CDADC1: variants seen among roughly 807,000 people sequenced by gnomAD.
CDADC1 encodes the protein cytidine and dCMP deaminase domain containing 1.
In CDADC1, 39 loss-of-function variants were observed where a neutral mutation model predicts 54.9. The ratio of observed to expected loss-of-function variants is 0.71; its 90% CI spans 0.55 to 0.93. The LOEUF (loss-of-function observed/expected upper bound fraction) is 0.93. Ranked by LOEUF, CDADC1 falls within the 40% of genes least tolerant of loss-of-function variation. The pLI, the probability that CDADC1 is intolerant of heterozygous loss-of-function variation, is 0.00. For synonymous variants in CDADC1, 186 were observed against 204.0 expected, an observed-to-expected ratio of 0.91 and a Z score of 0.75; for missense variants, 518 against 618.8, an observed-to-expected ratio of 0.84 and a Z score of 1.73.
At chr13:49,265,160 A>AT (rs1207035722) in intron 4 of CDADC1, among the ~76,000 whole-genome samples, 3 of 152,220 alleles carry the variant, frequency 2.0e-5, no homozygotes, top group Non-Finnish European at 2.9e-5. Flanking sequence ...TTCTGAAAAC[A>AT]TTTTTTATTA....
intron 8 of CDADC1, among the ~76,000 whole-genome samples, chr13:49,283,880 T>C (rs1441392854): frequency 6.6e-6 from 1 of 152,222 alleles, no homozygotes; most frequent in Admixed American, 6.5e-5. Context: ...TGTAGATGGT[T>C]AGCTAGATAC....
At chr13:49,268,727 G>A (rs951346188) in intron 5 of CDADC1, among the ~76,000 whole-genome samples, 4 of 152,216 alleles carry the variant, frequency 2.6e-5, no homozygotes, top group African/African-American at 9.6e-5. Flanking sequence ...ATATTTTGAT[G>A]TACTGAATAT....
chr13:49,283,727 GTT>G (rs1002065271), intron 8 of CDADC1, among the ~76,000 whole-genome samples: 1 of 152,212 alleles, frequency 6.6e-6, no homozygotes, highest in Non-Finnish European at 1.5e-5. Flanking sequence ...GAAGCACCCA[GTT>G]GGGCCAGACC....
At chr13:49,254,404 CTT>C (rs11311095) in intron 2 of CDADC1, among the ~76,000 whole-genome samples, 2,420 of 116,236 alleles carry the variant, frequency 0.021, 20 homozygotes, top group African/African-American at 0.026. Context: ...CTATCCCACC[CTT>C]TTTTTTTTTT....
At chr13:49,275,228 G>A (rs948842890) in intron 6 of CDADC1, among the ~76,000 whole-genome samples, 8 of 151,580 alleles carry the variant, frequency 5.3e-5, no homozygotes, top group Non-Finnish European at 8.8e-5. Flanking sequence ...TGGGACTATA[G>A]GCATGTACCA....
intron 3 of CDADC1, among the ~76,000 whole-genome samples, chr13:49,256,121 C>T (rs1353380202): frequency 7.0e-6 from 1 of 143,418 alleles, no homozygotes; most frequent in Non-Finnish European, 1.5e-5. Context: ...CTACATCCTA[C>T]ATCTTGCTTT....
rs1953747858 is a variant in CDADC1 at position 49,292,746 on chromosome 13, A to G, written c.*989A>G. ...GAGAAACATTCAGAAAATTATTCCA[A>G]AAATGAAGGTACATTTTCTGTTCTC... On this transcript the variant is annotated 3_prime_UTR_variant, in exon 10 of 10. Coordinates refer to ENST00000251108, the MANE Select transcript of CDADC1 (RefSeq NM_030911.4). The G allele has an allele frequency of 7.9e-7, 1 of 1,272,508 alleles. No individual in the cohort carries two copies. The highest frequency in any genetic ancestry group is 1.0e-6 in the Non-Finnish European group (1 of 982,578). The allele number at this position is 1,272,508 out of a possible 1,614,324, so 78.8% of individuals were successfully genotyped here.
At chr13:49,264,081 A>G (rs1347881359) in intron 4 of CDADC1, among the ~76,000 whole-genome samples, 1 of 152,246 alleles carries the variant, frequency 6.6e-6, no homozygotes, top group Non-Finnish European at 1.5e-5. Context: ...ACAGGGCTAG[A>G]TCAGGCATTA....
At chr13:49,266,217 AGGG>A (rs1375829762) in intron 4 of CDADC1, among the ~76,000 whole-genome samples, 5 of 152,234 alleles carry the variant, frequency 3.3e-5, no homozygotes, top group Admixed American at 6.5e-5. Context: ...GTACTAGCAA[AGGG>A]GTCTCTTTGT....
At chr13:49,274,058 G>A (rs9535184) in intron 5 of CDADC1, among the ~76,000 whole-genome samples, 45,024 of 152,058 alleles carry the variant, frequency 0.3, 6,793 homozygotes, top group East Asian at 0.5. Flanking sequence ...CTCCACATAC[G>A]TATGTGTGAC....
Position 49,255,739 on chromosome 13 carries a change from G to A in CDADC1, c.178-100G>A. 2.1e-6 allele frequency: 3 copies of A among 1,419,560 alleles called. 1 individual carries two copies. The allele number at this position is 1,419,560 out of a possible 1,614,324, so 87.9% of individuals were successfully genotyped here. On this transcript the variant is annotated intron_variant, in intron 2 of 9. Coordinates refer to ENST00000251108, the MANE Select transcript of CDADC1 (RefSeq NM_030911.4). Reference sequence around the variant, plus strand: ...AGAGTTTCATCATGGAAAAAAAAATGGTCAAAGCCAAGGAAGCCAGCCTTT... The same window carrying A: ...AGAGTTTCATCATGGAAAAAAAAATAGTCAAAGCCAAGGAAGCCAGCCTTT...
Position 49,259,335 on chromosome 13 carries a change from T to C in CDADC1, c.253-11T>C, listed in dbSNP as rs1022345096. The C allele has an allele frequency of 2.5e-6, 4 of 1,577,508 alleles. No homozygotes were observed. The highest frequency in any genetic ancestry group is 3.5e-6 in the Non-Finnish European group (4 of 1,154,618). On this transcript the variant is annotated splice_polypyrimidine_tract_variant and intron_variant, in intron 3 of 9. Transcript: ENST00000251108. ...ATAACTAATAAGTTGTTATTTTATA[T>C]CTTAATGTAGGTAAAGAGAACTGGT...
intron 4 of CDADC1, among the ~76,000 whole-genome samples, chr13:49,264,488 T>C (rs1952765290): frequency 7.3e-6 from 1 of 136,688 alleles, no homozygotes; most frequent in Non-Finnish European, 1.5e-5. Context: ...GTGAGGCCAG[T>C]GGGAGGACCA....
rs544134515 is a variant in CDADC1 at position 49,266,881 on chromosome 13, G to A, written c.431-609G>A. ...GGTATTTATTCCAGATAGAAAACTA[G>A]GCAATATTAGTTGTTCCCTGTAAGA... On this transcript the variant is annotated intron_variant, in intron 4 of 9. Transcript: ENST00000251108. 8.5e-5 allele frequency among the ~76,000 whole-genome samples: 13 copies of A among 152,206 alleles called. No homozygotes were observed. The Middle Eastern group carries it at 0.01, about 119-fold the overall frequency.
At chr13:49,287,268 C>G (rs182514668) in intron 9 of CDADC1, among the ~76,000 whole-genome samples, 6 of 152,112 alleles carry the variant, frequency 3.9e-5, no homozygotes, top group African/African-American at 1.4e-4. Context: ...TGTAAGTTTT[C>G]TTGATAATAA....
chr13:49,250,643 A>C (rs1466734298), intron 2 of CDADC1, among the ~76,000 whole-genome samples: 1 of 152,236 alleles, frequency 6.6e-6, no homozygotes, highest in Non-Finnish European at 1.5e-5. Flanking sequence ...TTGACAATGT[A>C]GACAGGAATC....
intron 2 of CDADC1, among the ~76,000 whole-genome samples, chr13:49,249,835 G>A (rs1952385091): frequency 6.6e-6 from 1 of 152,120 alleles, no homozygotes; most frequent in African/African-American, 2.4e-5. Context: ...TACCCTTGGG[G>A]CAACAAGGGG....
In CDADC1 at chr13:49,278,444, A is replaced by T; in HGVS notation, c.1145A>T (p.Asp382Val). ...GAGTATGCTGACTTCCCACACATGGATGACAAGCAGAAAGACAGAGAAATA... is the reference window on the plus strand; with the variant it reads ...GAGTATGCTGACTTCCCACACATGGTTGACAAGCAGAAAGACAGAGAAATA... Reference protein sequence around the residue: ...GSEYADFPHMDDKQKDREIRK... With the variant: ...GSEYADFPHMVDKQKDREIRK... The change falls in exon 7 of 10, where the codon GAT (aspartate) becomes GTT (valine). Residue 382 changes from aspartate to valine, a missense_variant. By Grantham distance (152) the Asp-to-Val change is radical. Coordinates refer to ENST00000251108, the MANE Select transcript of CDADC1 (RefSeq NM_030911.4). 1 of 1,605,362 alleles carries T rather than the reference A, an allele frequency of 6.2e-7. No homozygotes were observed. The highest frequency in any genetic ancestry group is 8.5e-7 in the Non-Finnish European group (1 of 1,173,466).
At chr13:49,268,564 C>A (rs1217862099) in intron 5 of CDADC1, among the ~76,000 whole-genome samples, 1 of 151,954 alleles carries the variant, frequency 6.6e-6, no homozygotes, top group Non-Finnish European at 1.5e-5. Flanking sequence ...ACTTGGGAGG[C>A]TAAAGCAGGA....
Sources: allele counts gnomAD v4.1 joint callset (sites outside exome capture counted in the v4.1 genomes callset), GRCh38; gene constraint gnomAD v4.1.1; transcripts MANE v1.5; gene names NCBI Gene and HGNC (gene_info 2026-07-23, HGNC 2026-07-21).